The following COL14A1 variants were observed in gnomAD, a reference collection of about 807,000 sequenced individuals.
COL14A1 encodes collagen type XIV alpha 1 chain, also known as collagen alpha-1(XIV) chain.
A neutral mutation model predicts 230.3 loss-of-function variants in COL14A1; 136 were observed. The ratio of observed to expected loss-of-function variants is 0.59; its 90% CI spans 0.51 to 0.68. COL14A1 has a LOEUF of 0.68. Ranked by LOEUF, COL14A1 falls within the 30% of genes least tolerant of loss-of-function variation. The probability of loss-of-function intolerance (pLI) is 0.00; values close to 1 mark genes in which losing one functional copy is unlikely to be tolerated. For synonymous variants in COL14A1, 792 were observed against 784.1 expected (o/e 1.01, Z -0.17); for missense variants, 1,976 against 2,215.8 (o/e 0.89, Z 2.17).
chr8:120,185,676 A>G (rs775542373), intron 5 of COL14A1, among the ~76,000 whole-genome samples: 1 of 152,122 alleles, frequency 6.6e-6, no homozygotes, highest in Non-Finnish European at 1.5e-5. Context: ...AAAAGAGAAA[A>G]AGAAGAAGAA....
intron 4 of COL14A1, among the ~76,000 whole-genome samples, chr8:120,163,537 G>A (rs916650996): frequency 6.6e-6 from 1 of 152,150 alleles, no homozygotes; most frequent in African/African-American, 2.4e-5. Flanking sequence ...GCCGAGGCGG[G>A]CGGATCACCT....
rs371192712 is a variant in COL14A1, at chr8:120,208,253, T to A, written c.1213T>A (p.Ser405Thr). Residue 405 changes from serine to threonine, a missense_variant, in exon 11 of 48, where the codon TCT becomes ACT. Physicochemically the swap from Ser to Thr is moderately conservative, Grantham distance 58 (BLOSUM62 1). Coordinates refer to ENST00000297848, the MANE Select transcript of COL14A1 (RefSeq NM_021110.4). ...ACAGGTGGTGGTAGATGGAACTGTA[T>A]CTTCCACAGTGTTGAAAAACTTGAT... ...PDEVVVDGTVSSTVLKNLMSL... is the reference protein window; with the variant it reads ...PDEVVVDGTVTSTVLKNLMSL... 6.2e-7 allele frequency: 1 copy of A among 1,612,854 alleles called. No homozygotes were observed.
At chr8:120,338,384 A>G (rs777735888) in intron 42 of COL14A1, among the ~76,000 whole-genome samples, 1 of 152,184 alleles carries the variant, frequency 6.6e-6, no homozygotes, top group Non-Finnish European at 1.5e-5. Flanking sequence ...CGGGATGTGC[A>G]TGGATTCTGG....
chr8:120,142,126 C>G lies in COL14A1; in HGVS notation c.-37-5680C>G, dbSNP rs990754350. ...GCCTGTTTTTTTTTACCTTTCTTTT[C>G]CTTGCTTTGTTCTGATTGAAACCTC... On this transcript the variant is annotated intron_variant, in intron 1 of 47. Coordinates refer to ENST00000297848, the MANE Select transcript of COL14A1 (RefSeq NM_021110.4). Among the ~76,000 whole-genome samples the G allele has an allele frequency of 2.0e-5, 3 of 151,438 alleles. No individual in the cohort carries two copies. The East Asian group carries it at 5.8e-4, about 29-fold the overall frequency.
At position 120,231,494 on chromosome 8, in the gene COL14A1, T is replaced by C. The variant is rs1451835275; in HGVS notation, c.2225T>C (p.Val742Ala). The change falls in exon 19 of 48, where the codon GTT (valine) becomes GCT (alanine). Residue 742 changes from valine to alanine, a missense_variant. By Grantham distance (64) the Val-to-Ala change is moderately conservative (BLOSUM62 0). Coordinates refer to ENST00000297848, the MANE Select transcript of COL14A1 (RefSeq NM_021110.4). ...SVFQTGIRNL[V>A]VGDETTSSLR... Reference sequence around the variant, plus strand: ...TTCCAGACGGGAATCAGAAACCTAGTTGTAGGTGATGAAACTACTTCTAGC... The same window carrying C: ...TTCCAGACGGGAATCAGAAACCTAGCTGTAGGTGATGAAACTACTTCTAGC... The C allele has an allele frequency of 1.2e-6, 2 of 1,614,042 alleles. No homozygotes were observed. The highest frequency in any genetic ancestry group is 1.7e-6 in the Non-Finnish European group (2 of 1,179,980).
chr8:120,200,526 C>A (rs1817202438), intron 8 of COL14A1, among the ~76,000 whole-genome samples: 1 of 151,126 alleles, frequency 6.6e-6, no homozygotes, highest in South Asian at 2.1e-4. Context: ...GAGTATTATT[C>A]TACTCTTATG....
intron 23 of COL14A1, 130 bp from the exon 24 acceptor site, chr8:120,262,738 T>TA (rs1819377980): frequency 1.3e-6 from 1 of 791,140 alleles, no homozygotes; most frequent in Non-Finnish European, 1.9e-6. Context: ...TTCAAACAAA[T>TA]ATAACTCATT....
intron 40 of COL14A1, among the ~76,000 whole-genome samples, chr8:120,328,283 G>C (rs961266538): frequency 6.6e-6 from 1 of 152,078 alleles, no homozygotes; most frequent in African/African-American, 2.4e-5. Flanking sequence ...ACCCAGACTG[G>C]AGTGCAGTGG....
In COL14A1 at chr8:120,133,287, T is replaced by G. The variant is rs564922743; in HGVS notation, c.-38+7947T>G. 6.8e-3 allele frequency among the ~76,000 whole-genome samples: 1,034 copies of G among 151,514 alleles called. 6 individuals are homozygous for G. The highest frequency in any genetic ancestry group is 0.017 in the Middle Eastern group (5 of 290). Reference sequence around the variant, plus strand: ...AGTATAGAGAAAGAAGAAAAAATTCTGTTATTTTTTATAAAACTGGAAAAA... The same window carrying G: ...AGTATAGAGAAAGAAGAAAAAATTCGGTTATTTTTTATAAAACTGGAAAAA... On this transcript the variant is annotated intron_variant, in intron 1 of 47. Transcript: ENST00000297848.
At chr8:120,146,473 T>C (rs1241952422) in intron 1 of COL14A1, among the ~76,000 whole-genome samples, 6 of 152,154 alleles carry the variant, frequency 3.9e-5, no homozygotes, top group Non-Finnish European at 8.8e-5. Context: ...CTTTACCAAC[T>C]ATACAGGACC....
chr8:120,361,358 C>T lies in COL14A1; in HGVS notation c.5078-5813C>T, dbSNP rs183844548. On this transcript the variant is annotated intron_variant, in intron 45 of 47. Transcript: ENST00000297848. The stretch of plus-strand genomic sequence containing the variant: ...GGCTCATTTACATATAAAACAACTA[C>T]GTGTTTTCCATTCCTGTCCATCTTA... Among the ~76,000 whole-genome samples the T allele has an allele frequency of 3.4e-3, 512 of 152,292 alleles. 2 individuals are homozygous for T. The highest frequency in any genetic ancestry group is 0.012 in the African/African-American group (488 of 41,544).
chr8:120,158,490 G>T (rs567130846), intron 3 of COL14A1, among the ~76,000 whole-genome samples: 1 of 152,162 alleles, frequency 6.6e-6, no homozygotes, highest in Non-Finnish European at 1.5e-5. Flanking sequence ...TATTTTCTCT[G>T]TTTAGTCATA....
Position 120,371,575 on chromosome 8 carries a change from A to G in COL14A1, c.*344A>G. On this transcript the variant is annotated 3_prime_UTR_variant, in exon 48 of 48. Transcript: ENST00000297848. ...CTCAAGTCCTAAAATGAACAAACAGATATGATTGTGTTTGAGGGAAATATG... is the reference window on the plus strand; with the variant it reads ...CTCAAGTCCTAAAATGAACAAACAGGTATGATTGTGTTTGAGGGAAATATG... 1 of 398,516 alleles carries G rather than the reference A, an allele frequency of 2.5e-6. No homozygotes were observed. The highest frequency in any genetic ancestry group is 4.4e-6 in the Non-Finnish European group (1 of 225,926). The allele number at this position is 398,516 out of a possible 1,614,324, so 24.7% of individuals were successfully genotyped here.
intron 45 of COL14A1, among the ~76,000 whole-genome samples, chr8:120,357,751 C>G (rs1449620656): frequency 6.6e-6 from 1 of 152,074 alleles, no homozygotes; most frequent in East Asian, 1.9e-4. Context: ...GTTGGCTTAC[C>G]CTGCCTGTTT....
chr8:120,293,290 T>G (rs1441397184), intron 34 of COL14A1, among the ~76,000 whole-genome samples: 1 of 152,004 alleles, frequency 6.6e-6, no homozygotes, highest in East Asian at 1.9e-4. Context: ...TTACAGCTTT[T>G]ATATATAAAT....
intron 5 of COL14A1, 63 bp from the exon 6 acceptor site, chr8:120,196,728 A>G (rs1025750223): frequency 2.6e-6 from 4 of 1,540,232 alleles, no homozygotes; most frequent in South Asian, 2.4e-5. Flanking sequence ...AGACATTAAG[A>G]TGGACTGTTT....
In COL14A1 at chr8:120,371,138, CT is replaced by C; in HGVS notation, c.5312-10del. On this transcript the variant is annotated splice_polypyrimidine_tract_variant and intron_variant, in intron 47 of 47. Transcript: ENST00000297848. ...TGGGTGCAGCAAGTCCCCACCCCCA[CT>C]TTTCCTCTTTAGCTCCCCATCCAGA... 6.3e-7 allele frequency: 1 copy of C among 1,596,200 alleles called. No homozygotes were observed. Among genetic ancestry groups the C allele is most frequent in the Admixed American group, 1.8e-5 (1 of 55,146 alleles).
chr8:120,245,864 G>C (rs1586800123), intron 20 of COL14A1, among the ~76,000 whole-genome samples: 1 of 152,132 alleles, frequency 6.6e-6, no homozygotes, highest in African/African-American at 2.4e-5. Flanking sequence ...AACAGCAAGA[G>C]TTCCAAGAGG....
At chr8:120,223,943 G>A (rs1187335197) in intron 14 of COL14A1, among the ~76,000 whole-genome samples, 4 of 150,344 alleles carry the variant, frequency 2.7e-5, no homozygotes, top group East Asian at 2.0e-4. Flanking sequence ...CTGCAGCCCC[G>A]TGCCCAACAC....
Sources: gnomAD v4.1 joint callset for allele counts (sites outside exome capture counted in the v4.1 genomes callset) on GRCh38, gnomAD v4.1.1 for gene constraint, MANE v1.5 for transcripts, NCBI Gene and HGNC (gene_info 2026-07-23, HGNC 2026-07-21) for gene names.